The following VAV2 variants were observed in gnomAD, a reference collection of about 807,000 sequenced individuals.
The protein encoded by VAV2 is vav guanine nucleotide exchange factor 2.
A neutral mutation model predicts 132.5 loss-of-function variants in VAV2; 67 were observed. The observed-to-expected ratio is 0.51, with a 90% CI of 0.42 to 0.62. The LOEUF (loss-of-function observed/expected upper bound fraction) is 0.62, where lower values mean the gene tolerates loss of function less well. Among genes scored for constraint, VAV2 ranks in the 20% least tolerant of loss-of-function variants. The pLI is 0.00. For missense variants in VAV2, 938 were observed against 1,153.6 expected, an observed-to-expected ratio of 0.81 and a Z score of 2.71; for synonymous variants, 492 against 443.5, an observed-to-expected ratio of 1.11 and a Z score of -1.37.
intron 3 of VAV2, among the ~76,000 whole-genome samples, chr9:133,844,029 C>T (rs772980881): frequency 6.6e-6 from 1 of 152,136 alleles, no homozygotes; most frequent in African/African-American, 2.4e-5. Context: ...AGAGACCCCA[C>T]GTGACCCCCA....
intron 2 of VAV2, among the ~76,000 whole-genome samples, chr9:133,871,470 ATGGATGGATGGATGGATG>A (rs1564423314): frequency 0.12 from 5,504 of 45,946 alleles, 351 homozygotes; most frequent in African/African-American, 0.28. Context: ...GGAGAAGCGG[ATGGATGGATGGATGGATG>A]GATGGATGGA....
At chr9:133,902,325 G>A (rs1057020653) in intron 2 of VAV2, among the ~76,000 whole-genome samples, 1 of 152,178 alleles carries the variant, frequency 6.6e-6, no homozygotes, top group Non-Finnish European at 1.5e-5. Flanking sequence ...CTGGCCCCAC[G>A]AAGGCAGAGC....
intron 29 of VAV2, among the ~76,000 whole-genome samples, chr9:133,765,826 C>T (rs768274935): frequency 6.6e-6 from 1 of 152,198 alleles, no homozygotes; most frequent in African/African-American, 2.4e-5. Context: ...GACAAACACA[C>T]ACACACACAG....
At chr9:133,970,072 T>A (rs997048378) in intron 1 of VAV2, among the ~76,000 whole-genome samples, 2 of 151,940 alleles carry the variant, frequency 1.3e-5, no homozygotes, top group African/African-American at 4.8e-5. Context: ...ATCCTGGTCC[T>A]CCACCCTCCC....
At chr9:133,981,812 A>G (rs1011929197) in intron 1 of VAV2, among the ~76,000 whole-genome samples, 5 of 152,186 alleles carry the variant, frequency 3.3e-5, no homozygotes, top group African/African-American at 1.2e-4. Flanking sequence ...CATTCCAGAC[A>G]CGAGGAGCCC....
intron 17 of VAV2, among the ~76,000 whole-genome samples, chr9:133,785,541 G>A (rs914396322): frequency 6.6e-6 from 1 of 152,202 alleles, no homozygotes; most frequent in Non-Finnish European, 1.5e-5. Context: ...GAGCCTGCCT[G>A]GGACAGGCTG....
chr9:133,809,712 A>C (rs1178643664), intron 6 of VAV2, among the ~76,000 whole-genome samples: 1 of 152,208 alleles, frequency 6.6e-6, no homozygotes, highest in East Asian at 1.9e-4. Context: ...CCTCCAGAGC[A>C]GGGCCTGCCC....
At chr9:133,936,873 C>T (rs1449201276) in intron 2 of VAV2, among the ~76,000 whole-genome samples, 1 of 152,212 alleles carries the variant, frequency 6.6e-6, no homozygotes, top group East Asian at 1.9e-4. Flanking sequence ...CAGAGGCCAG[C>T]ATGACAAGAA....
intron 2 of VAV2, among the ~76,000 whole-genome samples, chr9:133,925,694 C>T (rs1408184441): frequency 6.6e-6 from 1 of 152,176 alleles, no homozygotes; most frequent in Non-Finnish European, 1.5e-5. Flanking sequence ...GAGCCGCTGC[C>T]TTCCCCAGCC....
chr9:133,915,566 G>T (rs1303507771), intron 2 of VAV2, among the ~76,000 whole-genome samples: 2 of 146,772 alleles, frequency 1.4e-5, no homozygotes, highest in Admixed American at 1.4e-4. Context: ...AAAAACTGGT[G>T]CCAGTCTCAA....
chr9:133,959,935 G>A (rs139781119), intron 1 of VAV2, among the ~76,000 whole-genome samples: 3 of 152,284 alleles, frequency 2.0e-5, no homozygotes, highest in Non-Finnish European at 2.9e-5. Context: ...TCTGGCCTCC[G>A]GAACTGGAGG....
At chr9:133,803,967 C>T (rs573840868) in intron 9 of VAV2, among the ~76,000 whole-genome samples, 9 of 152,242 alleles carry the variant, frequency 5.9e-5, no homozygotes, top group South Asian at 4.2e-4. Flanking sequence ...ACACGTCCTC[C>T]GCTGTGCAGC....
At position 133,883,614 on chromosome 9, in the gene VAV2, G is replaced by A. The variant is rs1403126480; in HGVS notation, c.322-22182C>T. On this transcript the variant is annotated intron_variant, in intron 2 of 29. Coordinates refer to ENST00000371850, the MANE Select transcript of VAV2 (RefSeq NM_001134398.2). This position sits in a 1 kb window ranked among gnomAD's most constrained non-coding sequence, Gnocchi z 4.2. ...ACGGCAGGCAGGCGGCCCAGCAGCAGGCAGGTTTCAGCTCGGCCGGAGCAG... is the reference window on the plus strand; with the variant it reads ...ACGGCAGGCAGGCGGCCCAGCAGCAAGCAGGTTTCAGCTCGGCCGGAGCAG... Among the ~76,000 whole-genome samples the A allele has an allele frequency of 6.6e-6, 1 of 152,204 alleles. No homozygotes were observed. The highest frequency in any genetic ancestry group is 1.5e-5 in the Non-Finnish European group (1 of 68,040).
intron 3 of VAV2, among the ~76,000 whole-genome samples, chr9:133,855,795 G>A (rs566841983): frequency 3.8e-4 from 58 of 152,358 alleles, no homozygotes; most frequent in Non-Finnish European, 7.3e-4. Context: ...GAAGCAGGAA[G>A]TTCCAGCTTA....
chr9:133,953,340 T>G (rs1247983505), intron 1 of VAV2, among the ~76,000 whole-genome samples: 1 of 152,176 alleles, frequency 6.6e-6, no homozygotes, highest in Non-Finnish European at 1.5e-5. Context: ...TGGAATGGCT[T>G]TGGGATGAAT....
At chr9:133,822,668 C>T (rs1588225670) in intron 4 of VAV2, among the ~76,000 whole-genome samples, 1 of 152,204 alleles carries the variant, frequency 6.6e-6, no homozygotes, top group Non-Finnish European at 1.5e-5. Flanking sequence ...GGTACCTGCA[C>T]AGGCCCCAGC....
intron 2 of VAV2, among the ~76,000 whole-genome samples, chr9:133,925,368 CACT>C (rs1840437628): frequency 6.6e-6 from 1 of 152,050 alleles, no homozygotes; most frequent in Non-Finnish European, 1.5e-5. Context: ...AGGTGGGTGC[CACT>C]ACATCCTGCT....
intron 2 of VAV2, among the ~76,000 whole-genome samples, chr9:133,938,273 T>C (rs553074701): frequency 3.9e-5 from 6 of 152,284 alleles, no homozygotes; most frequent in Admixed American, 2.6e-4. Context: ...GCCTGGGGCC[T>C]CCTCGGCCAC....
chr9:133,889,673 A>G (rs1206956369), intron 2 of VAV2, among the ~76,000 whole-genome samples: 1 of 152,106 alleles, frequency 6.6e-6, no homozygotes, highest in Non-Finnish European at 1.5e-5. Context: ...TCAGCGACCG[A>G]GTGCGTCATG....
Sources: allele counts gnomAD v4.1 joint callset (sites outside exome capture counted in the v4.1 genomes callset), GRCh38; gene constraint gnomAD v4.1.1; non-coding constraint Gnocchi (gnomAD v3.1); transcripts MANE v1.5; gene names NCBI Gene and HGNC (gene_info 2026-07-23, HGNC 2026-07-21).